PDE4B: variants seen among roughly 807,000 people sequenced by gnomAD.
PDE4B encodes the protein phosphodiesterase 4B.
PDE4B carries 20 observed loss-of-function variants against 82.2 expected under a neutral mutation model. That is an observed-to-expected ratio of 0.24 (90% CI 0.17 to 0.35). The LOEUF (loss-of-function observed/expected upper bound fraction) is 0.35. Ranked by LOEUF, PDE4B falls within the 10% of genes least tolerant of loss-of-function variation. The pLI is 1.00. For synonymous variants in PDE4B, 320 were observed against 318.9 expected, an observed-to-expected ratio of 1.00 and a Z score of -0.04; for missense variants, 655 against 907.2, an observed-to-expected ratio of 0.72 and a Z score of 3.57.
chr1:66,080,863 A>G (rs1433334727), intron 3 of PDE4B, among the ~76,000 whole-genome samples: 1 of 145,434 alleles, frequency 6.9e-6, no homozygotes, highest in Non-Finnish European at 1.6e-5. Flanking sequence ...GGTTTTGAGC[A>G]CAGTACCCAA....
At chr1:66,268,808 CTTA>C (rs973396525) in intron 7 of PDE4B, among the ~76,000 whole-genome samples, 2 of 151,682 alleles carry the variant, frequency 1.3e-5, no homozygotes, top group Non-Finnish European at 2.9e-5. Flanking sequence ...GCAAAGACAT[CTTA>C]TTTTTTTTTA....
At chr1:66,216,517 G>A (rs377470753) in intron 3 of PDE4B, among the ~76,000 whole-genome samples, 3 of 152,090 alleles carry the variant, frequency 2.0e-5, no homozygotes, top group South Asian at 2.1e-4. Context: ...CATCACTTTT[G>A]TGGACTCATT....
intron 3 of PDE4B, among the ~76,000 whole-genome samples, chr1:66,056,580 T>A (rs1450988375): frequency 6.6e-6 from 1 of 151,838 alleles, no homozygotes; most frequent in Non-Finnish European, 1.5e-5. Context: ...GGAAGAAACT[T>A]TGTGGATGTG....
intron 3 of PDE4B, among the ~76,000 whole-genome samples, chr1:66,226,441 A>C (rs992983806): frequency 1.3e-5 from 2 of 152,248 alleles, no homozygotes; most frequent in African/African-American, 4.8e-5. Context: ...GTGGTGTGAA[A>C]AGTGTGCAGA....
intron 7 of PDE4B, among the ~76,000 whole-genome samples, chr1:66,318,723 C>T (rs1213461045): frequency 6.6e-6 from 1 of 152,180 alleles, no homozygotes; most frequent in African/African-American, 2.4e-5. Flanking sequence ...ACATATTTTA[C>T]TTAATATATG....
At chr1:66,014,462 T>G (rs1449329190) in intron 3 of PDE4B, among the ~76,000 whole-genome samples, 1 of 152,202 alleles carries the variant, frequency 6.6e-6, no homozygotes, top group Admixed American at 6.6e-5. Context: ...GAGTTGATTT[T>G]TGCATATCGT....
chr1:66,266,743 G>A, intron 7 of PDE4B: 1 of 510,268 alleles, frequency 2.0e-6, no homozygotes, highest in Non-Finnish European at 4.0e-6. Context: ...GAACACCATG[G>A]AGTTCTGTTG....
intron 3 of PDE4B, among the ~76,000 whole-genome samples, chr1:65,961,073 C>T (rs554630361): frequency 1.5e-3 from 226 of 152,124 alleles, no homozygotes; most frequent in Non-Finnish European, 1.8e-3. Flanking sequence ...AAACCTTTGC[C>T]CGTGGAGCTT....
Position 66,157,923 on chromosome 1 carries a change from C to A in PDE4B, c.282-89537C>A, listed in dbSNP as rs565919799. Among the ~76,000 whole-genome samples the A allele has an allele frequency of 5.1e-4, 77 of 151,954 alleles. No homozygotes were observed. The South Asian group carries it at 0.015, about 30-fold the overall frequency. ...TATTTTTTGATATCTCTAGCATATTCTGAGGAAGTATTTTGAGAACATGAT... is the reference window on the plus strand; with the variant it reads ...TATTTTTTGATATCTCTAGCATATTATGAGGAAGTATTTTGAGAACATGAT... On this transcript the variant is annotated intron_variant, in intron 3 of 16. Coordinates refer to ENST00000341517, the MANE Select transcript of PDE4B (RefSeq NM_002600.4).
chr1:66,325,271 C>T (rs1262059652), intron 7 of PDE4B, among the ~76,000 whole-genome samples: 2 of 152,202 alleles, frequency 1.3e-5, no homozygotes, highest in Non-Finnish European at 2.9e-5. Context: ...ACACACTTCT[C>T]ATTTACAAAG....
chr1:66,109,511 A>C (rs1006116337), intron 3 of PDE4B, among the ~76,000 whole-genome samples: 2 of 151,872 alleles, frequency 1.3e-5, no homozygotes, highest in African/African-American at 4.8e-5. Context: ...TTTTAAGCAC[A>C]TTATAGATAT....
At chr1:65,847,065 T>C (rs760091166) in intron 1 of PDE4B, among the ~76,000 whole-genome samples, 1 of 152,244 alleles carries the variant, frequency 6.6e-6, no homozygotes, top group East Asian at 1.9e-4. Flanking sequence ...CTAACAGTCA[T>C]AACATTTTCT....
chr1:66,306,651 TATTG>T, intron 7 of PDE4B, among the ~76,000 whole-genome samples: 1 of 152,172 alleles, frequency 6.6e-6, no homozygotes, highest in Non-Finnish European at 1.5e-5. Flanking sequence ...CATTTTTAAA[TATTG>T]CATTATAGAA....
intron 3 of PDE4B, among the ~76,000 whole-genome samples, chr1:66,141,669 G>A (rs763678375): frequency 2.0e-5 from 3 of 151,832 alleles, no homozygotes; most frequent in Non-Finnish European, 4.4e-5. Context: ...AATACTTGCC[G>A]GGCCTATGAA....
intron 3 of PDE4B, among the ~76,000 whole-genome samples, chr1:65,925,705 T>A (rs140533853): frequency 2.0e-5 from 3 of 152,360 alleles, no homozygotes; most frequent in Non-Finnish European, 4.4e-5. Flanking sequence ...GCTGCCACAA[T>A]AAATTAAATG....
At chr1:65,804,088 G>C (rs1224250441) in intron 1 of PDE4B, among the ~76,000 whole-genome samples, 4 of 152,188 alleles carry the variant, frequency 2.6e-5, no homozygotes, top group Non-Finnish European at 1.5e-5. Flanking sequence ...TCCTCTTTAG[G>C]CTTTTTAGGC....
chr1:66,036,910 A>T (rs1204242033), intron 3 of PDE4B, among the ~76,000 whole-genome samples: 2 of 152,112 alleles, frequency 1.3e-5, no homozygotes, highest in Non-Finnish European at 2.9e-5. Context: ...CAACACAGGC[A>T]GATCATGAAG....
intron 1 of PDE4B, among the ~76,000 whole-genome samples, chr1:65,860,196 C>T (rs1297225451): frequency 1.3e-5 from 2 of 152,206 alleles, no homozygotes; most frequent in Admixed American, 6.5e-5. Flanking sequence ...TCTCCCTCCC[C>T]TCACCGCTCA....
At chr1:66,171,687 A>T (rs193202439) in intron 3 of PDE4B, among the ~76,000 whole-genome samples, 1 of 152,234 alleles carries the variant, frequency 6.6e-6, no homozygotes. Flanking sequence ...TATAACCTCA[A>T]GCAGGCCTGA....
Sources: allele counts gnomAD v4.1 joint callset (sites outside exome capture counted in the v4.1 genomes callset), GRCh38; gene constraint gnomAD v4.1.1; transcripts MANE v1.5; gene names NCBI Gene and HGNC (gene_info 2026-07-23, HGNC 2026-07-21).